The following CSMD1 variants were observed in gnomAD, a reference collection of about 807,000 sequenced individuals.
The protein encoded by CSMD1 is CUB and sushi domain-containing protein 1.
A neutral mutation model predicts 417.5 loss-of-function variants in CSMD1; 213 were observed. The observed-to-expected ratio is 0.51, with a 90% CI of 0.46 to 0.57. The LOEUF is 0.57. Ranked by LOEUF, CSMD1 falls within the 20% of genes least tolerant of loss-of-function variation. The probability of loss-of-function intolerance (pLI) is 0.00; values close to 1 mark genes in which losing one functional copy is unlikely to be tolerated. For synonymous variants in CSMD1, 2,862 were observed against 1,736.8 expected (o/e 1.65, Z -16.11); for missense variants, 6,923 against 4,529.7 (o/e 1.53, Z -15.17).
At chr8:4,523,580 A>G (rs974962109) in intron 2 of CSMD1, among the ~76,000 whole-genome samples, 2 of 152,054 alleles carry the variant, frequency 1.3e-5, no homozygotes, top group Non-Finnish European at 2.9e-5. Context: ...GGTTGCCTCA[A>G]ATAACAGAAT....
intron 12 of CSMD1, among the ~76,000 whole-genome samples, chr8:3,462,461 C>T (rs1191520906): frequency 6.6e-6 from 1 of 152,144 alleles, no homozygotes. Flanking sequence ...AGCAACATTA[C>T]ATTCTCCTAG....
chr8:3,440,936 A>T (rs183635169), intron 12 of CSMD1, among the ~76,000 whole-genome samples: 5 of 152,300 alleles, frequency 3.3e-5, no homozygotes, highest in African/African-American at 1.2e-4. Context: ...AGACGTGGTG[A>T]CTGTGATTTT....
chr8:3,597,230 C>T (rs77095795), intron 8 of CSMD1, among the ~76,000 whole-genome samples: 6,454 of 152,108 alleles, frequency 0.042, 329 homozygotes, highest in Admixed American at 0.14. Flanking sequence ...ACATCGGGCC[C>T]CAGGGGTACA....
rs1554505482 is a variant in CSMD1 at position 4,864,897 on chromosome 8, A to ACACACAAAC, written c.85+129434_85+129435insGTTTGTGTG. ...TACTACACACACACACACACACACA[A>ACACACAAAC]ACACACACACACACACTTGATATAA... On this transcript the variant is annotated intron_variant, in intron 1 of 69. Coordinates refer to ENST00000635120, the MANE Select transcript of CSMD1 (RefSeq NM_033225.6). Among the ~76,000 whole-genome samples, 11 of 50,472 alleles carry ACACACAAAC rather than the reference A, an allele frequency of 2.2e-4. No homozygotes were observed. In the South Asian group the frequency reaches 3.3e-3, roughly 15 times the overall value. The allele number at this position is 50,472 out of a possible 152,430, so 33.1% of individuals were successfully genotyped here.
At chr8:4,446,375 C>G (rs955956935) in intron 2 of CSMD1, among the ~76,000 whole-genome samples, 8 of 151,972 alleles carry the variant, frequency 5.3e-5, no homozygotes, top group Non-Finnish European at 2.9e-5. Flanking sequence ...TGGCAGAACC[C>G]CAACTCCATA....
chr8:4,481,563 A>T (rs1346250031), intron 2 of CSMD1, among the ~76,000 whole-genome samples: 4 of 152,194 alleles, frequency 2.6e-5, no homozygotes, highest in Non-Finnish European at 5.9e-5. Context: ...TTGGTGACGG[A>T]CTAAGCTAAT....
At chr8:4,302,018 T>G (rs1016665939) in intron 3 of CSMD1, among the ~76,000 whole-genome samples, 3 of 152,260 alleles carry the variant, frequency 2.0e-5, no homozygotes, top group African/African-American at 7.2e-5. Context: ...GAGTTTATTT[T>G]GGTACAAATA....
intron 5 of CSMD1, among the ~76,000 whole-genome samples, chr8:3,944,838 G>C (rs1330649228): frequency 1.3e-5 from 2 of 152,166 alleles, no homozygotes; most frequent in East Asian, 1.9e-4. Flanking sequence ...ATTAGAGCTA[G>C]TTCTATGAGT....
intron 1 of CSMD1, among the ~76,000 whole-genome samples, chr8:4,772,460 G>T (rs1028352640): frequency 6.6e-6 from 1 of 152,120 alleles, no homozygotes; most frequent in Non-Finnish European, 1.5e-5. Context: ...ATTATATCAT[G>T]AGCGTCATCC....
intron 7 of CSMD1, among the ~76,000 whole-genome samples, chr8:3,684,414 T>C (rs1005367875): frequency 2.0e-5 from 3 of 149,204 alleles, no homozygotes; most frequent in African/African-American, 7.3e-5. Context: ...ATACAAAATA[T>C]ATTTTTTTCA....
intron 2 of CSMD1, among the ~76,000 whole-genome samples, chr8:4,540,719 A>G (rs542108441): frequency 1.3e-5 from 2 of 152,288 alleles, no homozygotes; most frequent in East Asian, 3.9e-4. Flanking sequence ...GATGCTTACC[A>G]AGTGTCTAAG....
At chr8:3,258,346 T>C (rs548386866) in intron 26 of CSMD1, among the ~76,000 whole-genome samples, 1 of 152,236 alleles carries the variant, frequency 6.6e-6, no homozygotes, top group South Asian at 2.1e-4. Flanking sequence ...GGAAAAAAGC[T>C]CACCATCACT....
At chr8:3,541,160 AAAATG>A (rs766959361) in intron 10 of CSMD1, among the ~76,000 whole-genome samples, 18 of 152,260 alleles carry the variant, frequency 1.2e-4, no homozygotes, top group Non-Finnish European at 2.5e-4. Flanking sequence ...CTGGATAAAG[AAAATG>A]TGGTAGATAT....
chr8:4,633,200 CA>C (rs34664464), intron 2 of CSMD1, among the ~76,000 whole-genome samples: 107,668 of 151,930 alleles, frequency 0.71, 38,681 homozygotes, highest in Admixed American at 0.8. Flanking sequence ...CTATTAGGAT[CA>C]AAAACAGGCT....
intron 3 of CSMD1, among the ~76,000 whole-genome samples, chr8:4,413,550 A>C (rs1352680140): frequency 6.6e-6 from 1 of 152,150 alleles, no homozygotes; most frequent in East Asian, 1.9e-4. Flanking sequence ...GACAGCACTA[A>C]TTCTTTTAAA....
At chr8:3,322,896 G>C (rs893104935) in intron 23 of CSMD1, among the ~76,000 whole-genome samples, 1 of 152,230 alleles carries the variant, frequency 6.6e-6, no homozygotes, top group South Asian at 2.1e-4. Context: ...AGGAAGTGCT[G>C]TGATTCCTAG....
At chr8:3,718,954 G>A (rs1021808785) in intron 6 of CSMD1, among the ~76,000 whole-genome samples, 1 of 152,102 alleles carries the variant, frequency 6.6e-6, no homozygotes, top group East Asian at 1.9e-4. Flanking sequence ...GAGAATAGAA[G>A]GAGCGAGAAG....
At chr8:3,269,964 A>T (rs1801715481) in intron 26 of CSMD1, among the ~76,000 whole-genome samples, 1 of 151,960 alleles carries the variant, frequency 6.6e-6, no homozygotes, top group Non-Finnish European at 1.5e-5. Flanking sequence ...AGTTTAGGTC[A>T]CAACCCTACT....
At chr8:4,618,970 G>T (rs1377040753) in intron 2 of CSMD1, among the ~76,000 whole-genome samples, 1 of 152,110 alleles carries the variant, frequency 6.6e-6, no homozygotes, top group Non-Finnish European at 1.5e-5. Context: ...AAACATAACA[G>T]AAGCTTCAGT....
Sources: gnomAD v4.1 joint callset for allele counts (sites outside exome capture counted in the v4.1 genomes callset) on GRCh38, gnomAD v4.1.1 for gene constraint, MANE v1.5 for transcripts, NCBI Gene and HGNC (gene_info 2026-07-23, HGNC 2026-07-21) for gene names.